Variants in LRRC37A2 observed in about 807,000 individuals in gnomAD.
The protein encoded by LRRC37A2 is leucine rich repeat containing 37 member A2, also known as leucine-rich repeat-containing protein 37A2.
Under a neutral mutation model 68.8 loss-of-function variants are expected in LRRC37A2, and 9 were observed. The ratio of observed to expected loss-of-function variants is 0.13; its 90% CI spans 0.08 to 0.23. The LOEUF (loss-of-function observed/expected upper bound fraction) is 0.23, where lower values mean the gene tolerates loss of function less well. Among genes scored for constraint, LRRC37A2 ranks in the 10% least tolerant of loss-of-function variants. The probability of loss-of-function intolerance (pLI) is 1.00; values close to 1 mark genes in which losing one functional copy is unlikely to be tolerated. For synonymous variants in LRRC37A2, 63 were observed against 367.6 expected, an observed-to-expected ratio of 0.17 and a Z score of 9.48; for missense variants, 168 against 950.4, an observed-to-expected ratio of 0.18 and a Z score of 10.82.
At chr17:46,605,987 TAAAAA>T in the LRRC37A2 span, among the ~76,000 whole-genome samples, 1 of 27,214 alleles carries the variant, frequency 3.7e-5, no homozygotes, top group East Asian at 2.5e-3. Flanking sequence ...TCGTCTCTAC[TAAAAA>T]TACAAAAAAA....
the LRRC37A2 span, among the ~76,000 whole-genome samples, chr17:46,381,986 TA>T: frequency 8.4e-6 from 1 of 118,396 alleles, no homozygotes; most frequent in Non-Finnish European, 1.9e-5. Context: ...TTTTTAAAAA[TA>T]GAACATTACA....
chr17:46,968,779 C>G, the LRRC37A2 span: 1 of 152,300 alleles, frequency 6.6e-6, no homozygotes, highest in East Asian at 1.9e-4. Context: ...ACTGGAACAT[C>G]AGGGCATCTC....
At chr17:46,791,109 G>T in the LRRC37A2 span, among the ~76,000 whole-genome samples, 1 of 152,144 alleles carries the variant, frequency 6.6e-6, no homozygotes, top group Admixed American at 6.5e-5. Flanking sequence ...ACACTCTTTG[G>T]CTTCAAGGCA....
chr17:46,395,667 T>TA, the LRRC37A2 span, among the ~76,000 whole-genome samples: 1 of 36,746 alleles, frequency 2.7e-5, no homozygotes, highest in Non-Finnish European at 5.6e-5. Context: ...GCCTGAGTGA[T>TA]AGAGCATGAC....
the LRRC37A2 span, among the ~76,000 whole-genome samples, chr17:46,767,104 G>C: frequency 6.6e-6 from 1 of 152,090 alleles, no homozygotes; most frequent in Non-Finnish European, 1.5e-5. Flanking sequence ...GGGCACCCCA[G>C]CCTTAAAACC....
At chr17:46,979,006 A>G in the LRRC37A2 span, 1 of 1,406,684 alleles carries the variant, frequency 7.1e-7, no homozygotes, top group Non-Finnish European at 9.1e-7. Context: ...GGTCGCGTTC[A>G]TCGCCGCGCG....
At chr17:46,800,903 G>A in the LRRC37A2 span, among the ~76,000 whole-genome samples, 4 of 152,326 alleles carry the variant, frequency 2.6e-5, no homozygotes, top group Non-Finnish European at 4.4e-5. Context: ...TTTCAAGACT[G>A]AACAGGAGTT....
chr17:46,974,116 G>A, the LRRC37A2 span, among the ~76,000 whole-genome samples: 1 of 152,370 alleles, frequency 6.6e-6, no homozygotes, highest in Middle Eastern at 3.4e-3. Flanking sequence ...TGAAGGCACA[G>A]CTGACCCCAG....
At chr17:46,904,362 G>A in the LRRC37A2 span, among the ~76,000 whole-genome samples, 9 of 149,594 alleles carry the variant, frequency 6.0e-5, no homozygotes, top group African/African-American at 2.2e-4. Flanking sequence ...GATGTGGTTG[G>A]TGAATGGGTG....
At chr17:46,834,501 C>T in the LRRC37A2 span, among the ~76,000 whole-genome samples, 6 of 152,288 alleles carry the variant, frequency 3.9e-5, no homozygotes, top group East Asian at 3.9e-4. Flanking sequence ...ACAGGGGGTA[C>T]GGAGCTCCTT....
chr17:46,944,357 C>G, the LRRC37A2 span, among the ~76,000 whole-genome samples: 7 of 152,200 alleles, frequency 4.6e-5, no homozygotes, highest in Non-Finnish European at 1.0e-4. Context: ...AACCACGGGC[C>G]ACACACCTCT....
the LRRC37A2 span, among the ~76,000 whole-genome samples, chr17:46,917,489 T>C: frequency 0.37 from 57,018 of 152,130 alleles, 10,759 homozygotes; most frequent in South Asian, 0.48. Flanking sequence ...GGAGGCTGGT[T>C]CCCCAAAGCT....
At chr17:46,936,778 G>A in the LRRC37A2 span, 7 of 983,076 alleles carry the variant, frequency 7.1e-6, no homozygotes, top group South Asian at 9.4e-5. Flanking sequence ...TCACTATCTC[G>A]GGGAAAAAAA....
chr17:46,687,362 T>C, the LRRC37A2 span, among the ~76,000 whole-genome samples: 1 of 150,852 alleles, frequency 6.6e-6, no homozygotes, highest in Non-Finnish European at 1.5e-5. Context: ...ATAGATGTCT[T>C]GTTAACTCTT....
chr17:46,770,129 G>A, the LRRC37A2 span: 18 of 1,456,770 alleles, frequency 1.2e-5, no homozygotes, highest in Admixed American at 3.4e-4. Context: ...AGGCCAGGAC[G>A]TGAGGGGAAC....
chr17:46,910,900 G>A, the LRRC37A2 span, among the ~76,000 whole-genome samples: 1 of 152,204 alleles, frequency 6.6e-6, no homozygotes, highest in Non-Finnish European at 1.5e-5. Context: ...GTAGAGGTGG[G>A]TTGGTCTGGG....
chr17:46,758,882 G>A, the LRRC37A2 span, among the ~76,000 whole-genome samples: 1 of 152,178 alleles, frequency 6.6e-6, no homozygotes, highest in African/African-American at 2.4e-5. Context: ...TTCCTTGCCT[G>A]ACAACTTGGT....
the LRRC37A2 span, among the ~76,000 whole-genome samples, chr17:46,413,481 TACACACACACACACAC>T: frequency 1.3e-3 from 33 of 24,768 alleles, 2 homozygotes; most frequent in African/African-American, 2.1e-3. Context: ...TCTCTCTCTG[TACACACACACACACAC>T]ACACACACAC....
chr17:46,745,954 C>A, the LRRC37A2 span, among the ~76,000 whole-genome samples: 2 of 152,092 alleles, frequency 1.3e-5, no homozygotes, highest in Non-Finnish European at 2.9e-5. Flanking sequence ...AATGTCCTTC[C>A]CCTTCATCTT....
Sources: allele counts gnomAD v4.1 joint callset (sites outside exome capture counted in the v4.1 genomes callset), GRCh38; gene constraint gnomAD v4.1.1; transcripts MANE v1.5; gene names NCBI Gene and HGNC (gene_info 2026-07-23, HGNC 2026-07-21).